The following TERF2 variants were observed in gnomAD, a reference collection of about 807,000 sequenced individuals.
The protein encoded by TERF2 is telomeric repeat binding factor 2, also known as telomeric repeat-binding factor 2.
Under a neutral mutation model 56.1 loss-of-function variants are expected in TERF2, and 16 were observed. The ratio of observed to expected loss-of-function variants is 0.29; its 90% CI spans 0.19 to 0.43. TERF2 has a LOEUF of 0.43. TERF2 is among the 20% of genes least tolerant of loss of function. The pLI, the probability that TERF2 is intolerant of heterozygous loss-of-function variation, is 1.00. For synonymous variants in TERF2, 296 were observed against 282.1 expected, an observed-to-expected ratio of 1.05 and a Z score of -0.50; for missense variants, 547 against 712.9, an observed-to-expected ratio of 0.77 and a Z score of 2.65.
rs767916035 is a variant in TERF2 at position 69,372,366 on chromosome 16, G to C, written c.607-11C>G. 8.3e-6 allele frequency: 13 copies of C among 1,572,720 alleles called. No individual in the cohort carries two copies. Among genetic ancestry groups the C allele is most frequent in the Non-Finnish European group, 1.1e-5 (13 of 1,154,358 alleles). ...ACAAATAATGACAGCCTAAAAAGGAGGGGAAAAATCTTTTTTTACTTTTGT... is the reference window on the plus strand; with the variant it reads ...ACAAATAATGACAGCCTAAAAAGGACGGGAAAAATCTTTTTTTACTTTTGT... On this transcript the variant is annotated splice_polypyrimidine_tract_variant and intron_variant, in intron 3 of 9. Coordinates refer to ENST00000254942, the MANE Select transcript of TERF2 (RefSeq NM_005652.5).
chr16:69,370,174 G>A, intron 5 of TERF2: 1 of 353,446 alleles, frequency 2.8e-6, no homozygotes, highest in South Asian at 7.1e-5. Context: ...AGGATTACAG[G>A]TGCCTGCCAC....
rs781493762 is a variant in TERF2, at chr16:69,356,932, C to T, written c.1595G>A (p.Arg532His). 9 of 1,613,504 alleles carry T rather than the reference C, an allele frequency of 5.6e-6. No individual in the cohort carries two copies. Among genetic ancestry groups the T allele is most frequent in the Non-Finnish European group, 7.6e-6 (9 of 1,179,870 alleles). Residue 532 changes from arginine to histidine, a missense_variant, in exon 10 of 10, where the codon CGC becomes CAC. Arg to His is a conservative substitution (Grantham distance 29, BLOSUM62 0). Coordinates refer to ENST00000254942, the MANE Select transcript of TERF2 (RefSeq NM_005652.5). ...GCCAAGTCTTTTCATGGTCCGCCAG[C>T]GATCCTTAATCATCACAGCTGTTCG... ...VNRTAVMIKDRWRTMKRLGMN is the reference protein window; with the variant it reads ...VNRTAVMIKDHWRTMKRLGMN
Position 69,378,062 on chromosome 16 carries a change from TGAG to T in TERF2, c.607-5710_607-5708del, listed in dbSNP as rs2013860532. ...TTTTTGTAGACACCTTTTATCAGGT[TGAG>T]GAAGTTCCCTTCATTCCTAGTTTGC... On this transcript the variant is annotated intron_variant, in intron 3 of 9. Transcript: ENST00000254942. 2.0e-5 allele frequency among the ~76,000 whole-genome samples: 3 copies of T among 152,364 alleles called. No homozygotes were observed. The South Asian group carries it at 6.2e-4, about 32-fold the overall frequency.
At chr16:69,378,103 T>A (rs2013861266) in intron 3 of TERF2, among the ~76,000 whole-genome samples, 1 of 152,232 alleles carries the variant, frequency 6.6e-6, no homozygotes, top group Non-Finnish European at 1.5e-5. Flanking sequence ...AGTGTTTTTA[T>A]CATGAACTAA....
chr16:69,370,346 A>G, intron 5 of TERF2, 137 bp downstream of exon 5: 1 of 1,249,010 alleles, frequency 8.0e-7, no homozygotes, highest in South Asian at 1.6e-5. Context: ...TTGCATTTTT[A>G]AGGCATTTAA....
At chr16:69,362,497 G>C (rs1597242389) in intron 7 of TERF2, among the ~76,000 whole-genome samples, 1 of 152,134 alleles carries the variant, frequency 6.6e-6, no homozygotes, top group South Asian at 2.1e-4. Context: ...AATGTGAGCT[G>C]GAGACATATT....
chr16:69,384,493 T>C, intron 3 of TERF2, 87 bp downstream of exon 3: 1 of 1,396,106 alleles, frequency 7.2e-7, no homozygotes. Context: ...TGTTTTCCTC[T>C]GCCCCACACA....
intron 7 of TERF2, among the ~76,000 whole-genome samples, chr16:69,364,219 A>G (rs1045871326): frequency 5.9e-5 from 9 of 152,092 alleles, no homozygotes; most frequent in African/African-American, 2.2e-4. Flanking sequence ...GGCCCTGTCC[A>G]AGTGACACTG....
At chr16:69,363,986 AAAAAAG>A (rs1024091912) in intron 7 of TERF2, among the ~76,000 whole-genome samples, 41 of 152,294 alleles carry the variant, frequency 2.7e-4, no homozygotes, top group African/African-American at 8.9e-4. Flanking sequence ...TGTCTCAAGA[AAAAAAG>A]AAAAAGAAAA....
intron 3 of TERF2, among the ~76,000 whole-genome samples, chr16:69,383,692 C>T (rs78736548): frequency 0.029 from 4,348 of 152,252 alleles, 94 homozygotes; most frequent in Admixed American, 0.038. Context: ...TAATAGGGTA[C>T]CCAAGTACAA....
At chr16:69,377,322 T>C (rs2013832196) in intron 3 of TERF2, among the ~76,000 whole-genome samples, 1 of 151,994 alleles carries the variant, frequency 6.6e-6, no homozygotes, top group Admixed American at 6.6e-5. Flanking sequence ...ACATGAACAT[T>C]CAGTCTTAAT....
intron 2 of TERF2, 33 bp from the exon 3 acceptor site, chr16:69,384,743 C>G (rs1463244496): frequency 6.4e-7 from 1 of 1,554,318 alleles, no homozygotes. Context: ...TTTTTAAGCT[C>G]TTTTCTAAGG....
intron 3 of TERF2, among the ~76,000 whole-genome samples, chr16:69,377,195 T>A (rs1168860080): frequency 2.1e-5 from 3 of 139,932 alleles, no homozygotes; most frequent in Non-Finnish European, 4.6e-5. Flanking sequence ...AGAGCAAGAC[T>A]CCATCTCAAA....
chr16:69,380,637 A>G (rs2013962327), intron 3 of TERF2, among the ~76,000 whole-genome samples: 2 of 150,572 alleles, frequency 1.3e-5, no homozygotes, highest in African/African-American at 2.5e-5. Flanking sequence ...AGCCTGGGCG[A>G]CAGAGAGAGA....
chr16:69,362,356 A>G (rs1024813094), intron 7 of TERF2, among the ~76,000 whole-genome samples: 1 of 152,104 alleles, frequency 6.6e-6, no homozygotes, highest in Non-Finnish European at 1.5e-5. Flanking sequence ...TCCTGCCTGC[A>G]GTGCTGTTTC....
chr16:69,363,209 T>C (rs1046845672), intron 7 of TERF2, among the ~76,000 whole-genome samples: 8 of 152,232 alleles, frequency 5.3e-5, no homozygotes, highest in African/African-American at 1.9e-4. Flanking sequence ...GGTTATAGTT[T>C]GTTTTCTATG....
chr16:69,377,217 G>GA (rs1341153581), intron 3 of TERF2, among the ~76,000 whole-genome samples: 1 of 148,830 alleles, frequency 6.7e-6, no homozygotes, highest in Non-Finnish European at 1.5e-5. Flanking sequence ...AAAAAAAAAA[G>GA]AAAAAATCCT....
At chr16:69,384,883 CA>C (rs1472702471) in intron 2 of TERF2, 173 bp from the exon 3 acceptor site, 6 of 563,802 alleles carry the variant, frequency 1.1e-5, no homozygotes, top group Non-Finnish European at 1.6e-5. Flanking sequence ...GGTCCAAATT[CA>C]AATCAATGAA....
intron 3 of TERF2, among the ~76,000 whole-genome samples, chr16:69,376,386 T>C (rs1311013474): frequency 1.3e-5 from 2 of 152,186 alleles, no homozygotes; most frequent in Non-Finnish European, 2.9e-5. Flanking sequence ...TTAGATGCTC[T>C]CTTCTGTTCT....
Sources: gnomAD v4.1 joint callset for allele counts (sites outside exome capture counted in the v4.1 genomes callset) on GRCh38, gnomAD v4.1.1 for gene constraint, MANE v1.5 for transcripts, NCBI Gene and HGNC (gene_info 2026-07-23, HGNC 2026-07-21) for gene names.